The following IFT43 variants were observed in gnomAD, a reference collection of about 807,000 sequenced individuals.
IFT43 encodes the protein intraflagellar transport protein 43 homolog.
A neutral mutation model predicts 32.3 loss-of-function variants in IFT43; 33 were observed. The ratio of observed to expected loss-of-function variants is 1.02; its 90% confidence interval spans 0.77 to 1.37. The LOEUF is 1.37. Among genes scored for constraint, IFT43 ranks in the 40% most tolerant of loss-of-function variants. The probability of loss-of-function intolerance (pLI) is 0.00; values close to 1 mark genes in which losing one functional copy is unlikely to be tolerated. For missense variants in IFT43, 274 were observed against 265.9 expected (o/e 1.03, Z -0.21); for synonymous variants, 93 against 98.2 (o/e 0.95, Z 0.31).
chr14:76,059,361 G>C lies in IFT43; in HGVS notation c.283G>C (p.Asp95His). 6.2e-7 allele frequency: 1 copy of C among 1,614,084 alleles called. No homozygotes were observed. Among genetic ancestry groups the C allele is most frequent in the South Asian group, 1.1e-5 (1 of 91,078 alleles). Residue 95 changes from aspartate to histidine, a missense_variant, in exon 5 of 9, where the codon GAT (aspartate) becomes CAT (histidine). Coordinates refer to ENST00000314067, the MANE Select transcript of IFT43 (RefSeq NM_001102564.3). Reference sequence around the variant, plus strand: ...CAGACCACAGAGCCTGAATGGATCAGATTATGGAGGAGGTAAGAGGCCCTT... The same window carrying C: ...CAGACCACAGAGCCTGAATGGATCACATTATGGAGGAGGTAAGAGGCCCTT... ...RLRPQSLNGS[D>H]YGGDIPIIPD...
At chr14:76,070,248 C>T (rs554925248) in intron 5 of IFT43, among the ~76,000 whole-genome samples, 23 of 152,322 alleles carry the variant, frequency 1.5e-4, no homozygotes, top group African/African-American at 5.5e-4. Flanking sequence ...TCCCTCTTCC[C>T]ATTCATCTGT....
In IFT43 at chr14:76,015,826, G is replaced by A. The variant is rs117360473; in HGVS notation, c.148-6501G>A. ...GAATGCTATTAACCATTTGATATCC[G>A]TTAGTAAAGTGACAGTTCAGTCCAG... On this transcript the variant is annotated intron_variant, in intron 2 of 8. Coordinates refer to ENST00000314067, the MANE Select transcript of IFT43 (RefSeq NM_001102564.3). 6.5e-4 allele frequency among the ~76,000 whole-genome samples: 99 copies of A among 152,286 alleles called. No individual in the cohort carries two copies. The East Asian group carries it at 0.013, about 20-fold the overall frequency.
chr14:76,075,083 C>CCATCGCATGCCTCCT (rs2037389482), intron 5 of IFT43, among the ~76,000 whole-genome samples: 1 of 152,220 alleles, frequency 6.6e-6, no homozygotes, highest in South Asian at 2.1e-4. Context: ...CTCTGTCTCC[C>CCATCGCATGCCTCCT]CATCGCATGC....
rs571146302 is a variant in IFT43, at chr14:76,026,685, A to G, written c.215+4291A>G. On this transcript the variant is annotated intron_variant, in intron 3 of 8. Coordinates refer to ENST00000314067, the MANE Select transcript of IFT43 (RefSeq NM_001102564.3). ...TGGAAGACAGTGTGGTGATTCTTCAAAGACCTAGAGACAGAAATACCATTT... is the reference window on the plus strand; with the variant it reads ...TGGAAGACAGTGTGGTGATTCTTCAGAGACCTAGAGACAGAAATACCATTT... Among the ~76,000 whole-genome samples the G allele has an allele frequency of 5.7e-4, 87 of 152,352 alleles. 1 individual carries two copies. Among genetic ancestry groups the G allele is most frequent in the African/African-American group, 1.9e-3 (79 of 41,574 alleles).
At chr14:76,025,611 A>G (rs112583285) in intron 3 of IFT43, among the ~76,000 whole-genome samples, 49,758 of 152,004 alleles carry the variant, frequency 0.33, 8,181 homozygotes, top group Admixed American at 0.35. Context: ...AAAGAGACAC[A>G]TAGACCAATA....
intron 2 of IFT43, among the ~76,000 whole-genome samples, chr14:75,999,257 ATATATATATATATATGTATATATATTTT>A (rs2035823138): frequency 8.4e-5 from 1 of 11,932 alleles, no homozygotes; most frequent in Non-Finnish European, 1.5e-4. Flanking sequence ...ATATATATAT[ATATATATATATATATGTATATATATTTT>A]TTTTTTTTTT....
rs558171050 is a variant in IFT43 at position 76,044,019 on chromosome 14, T to G, written c.216-14623T>G. Among the ~76,000 whole-genome samples the G allele has an allele frequency of 1.1e-3, 160 of 152,214 alleles. 1 individual carries two copies. The highest frequency in any genetic ancestry group is 3.6e-3 in the African/African-American group (150 of 41,536). On this transcript the variant is annotated intron_variant, in intron 3 of 8. Coordinates refer to ENST00000314067, the MANE Select transcript of IFT43 (RefSeq NM_001102564.3). ...AACACTTTACTTACTATCACCAATT[T>G]ATTACAAAGCATATGTTATTTCTCT...
chr14:75,989,854 T>G (rs150933031), intron 2 of IFT43, among the ~76,000 whole-genome samples: 1 of 152,296 alleles, frequency 6.6e-6, no homozygotes, highest in East Asian at 1.9e-4. Context: ...CATGAGCAAA[T>G]GAACCGGGTA....
intron 5 of IFT43, among the ~76,000 whole-genome samples, chr14:76,074,354 T>C (rs1566736359): frequency 6.6e-6 from 1 of 152,164 alleles, no homozygotes; most frequent in Non-Finnish European, 1.5e-5. Flanking sequence ...TTAACACATT[T>C]CCACAGATGA....
chr14:76,032,626 C>T (rs375580861), intron 3 of IFT43, among the ~76,000 whole-genome samples: 1 of 152,204 alleles, frequency 6.6e-6, no homozygotes, highest in East Asian at 1.9e-4. Context: ...TTACATACCC[C>T]CAGTCTCCTG....
intron 7 of IFT43, 90 bp downstream of exon 7, chr14:76,082,782 G>A: frequency 1.0e-6 from 1 of 988,268 alleles, no homozygotes; most frequent in Non-Finnish European, 1.6e-6. Flanking sequence ...AAGCTATACA[G>A]CGCCTCCACC....
intron 2 of IFT43, among the ~76,000 whole-genome samples, chr14:75,998,125 A>G (rs897508093): frequency 2.0e-5 from 3 of 152,164 alleles, no homozygotes; most frequent in African/African-American, 4.8e-5. Flanking sequence ...TATCACTTCA[A>G]TCACAGTTTG....
chr14:76,030,660 G>A (rs1211779507), intron 3 of IFT43, among the ~76,000 whole-genome samples: 4 of 152,034 alleles, frequency 2.6e-5, no homozygotes. Context: ...ATTTCTTTGT[G>A]GTTCTTTTTG....
rs74941359 is a variant in IFT43, at chr14:76,017,163, C to T, written c.148-5164C>T. Reference sequence around the variant, plus strand: ...ATGTTCAGCTTTTCTCCATTAAGTACGATGTTAGCTGTGGGTTTGTCGTAT... The same window carrying T: ...ATGTTCAGCTTTTCTCCATTAAGTATGATGTTAGCTGTGGGTTTGTCGTAT... On this transcript the variant is annotated intron_variant, in intron 2 of 8. Coordinates refer to ENST00000314067, the MANE Select transcript of IFT43 (RefSeq NM_001102564.3). Among the ~76,000 whole-genome samples, 666 of 152,214 alleles carry T rather than the reference C, an allele frequency of 4.4e-3. 1 individual carries two copies. Among genetic ancestry groups the T allele is most frequent in the African/African-American group, 0.015 (636 of 41,550 alleles).
intron 2 of IFT43, among the ~76,000 whole-genome samples, chr14:76,019,031 T>C (rs190347661): frequency 3.2e-4 from 49 of 152,256 alleles, no homozygotes; most frequent in Non-Finnish European, 5.9e-4. Context: ...TAAGGACTTA[T>C]TTCTGCCATT....
intron 2 of IFT43, among the ~76,000 whole-genome samples, chr14:75,991,397 G>A (rs1481159372): frequency 3.8e-5 from 5 of 133,264 alleles, no homozygotes; most frequent in Non-Finnish European, 6.6e-5. Context: ...GAGTGTGTGT[G>A]TGTGTGTGTG....
intron 2 of IFT43, among the ~76,000 whole-genome samples, chr14:75,991,786 C>T (rs1221063153): frequency 2.0e-5 from 3 of 152,164 alleles, no homozygotes; most frequent in Non-Finnish European, 4.4e-5. Context: ...CTGCTCTTCA[C>T]CCAACTGTTG....
At chr14:76,017,599 C>T (rs1266505450) in intron 2 of IFT43, among the ~76,000 whole-genome samples, 1 of 152,022 alleles carries the variant, frequency 6.6e-6, no homozygotes, top group Non-Finnish European at 1.5e-5. Flanking sequence ...TCCTCCCATT[C>T]AATTTTTGGG....
In IFT43 at chr14:76,009,950, G is replaced by A. The variant is rs552608513; in HGVS notation, c.148-12377G>A. On this transcript the variant is annotated intron_variant, in intron 2 of 8. Transcript: ENST00000314067. ...GCTGGGACTACAGGTACATGCCACC[G>A]TGCCTGGCCAATTTTTGTATTTTTA... Among the ~76,000 whole-genome samples, 10 of 152,144 alleles carry A rather than the reference G, an allele frequency of 6.6e-5. No homozygotes were observed. The East Asian group carries it at 1.4e-3, about 21-fold the overall frequency.
Sources: gnomAD v4.1 joint callset for allele counts (sites outside exome capture counted in the v4.1 genomes callset) on GRCh38, gnomAD v4.1.1 for gene constraint, MANE v1.5 for transcripts, NCBI Gene and HGNC (gene_info 2026-07-23, HGNC 2026-07-21) for gene names.